The following CCDC85A variants were observed in gnomAD, a reference collection of about 807,000 sequenced individuals.
The protein encoded by CCDC85A is coiled-coil domain-containing protein 85A.
Under a neutral mutation model 50.2 loss-of-function variants are expected in CCDC85A, and 38 were observed. The ratio of observed to expected loss-of-function variants is 0.76; its 90% confidence interval spans 0.58 to 0.99. The LOEUF (loss-of-function observed/expected upper bound fraction) is 0.99, where lower values mean the gene tolerates loss of function less well. Among genes scored for constraint, CCDC85A ranks in the 50% least tolerant of loss-of-function variants. CCDC85A has a pLI of 0.00. For synonymous variants in CCDC85A, 366 were observed against 301.4 expected (o/e 1.21, Z -2.22); for missense variants, 820 against 742.0 (o/e 1.11, Z -1.22).
At chr2:56,292,730 T>C (rs1435463455) in intron 2 of CCDC85A, among the ~76,000 whole-genome samples, 1 of 152,216 alleles carries the variant, frequency 6.6e-6, no homozygotes, top group African/African-American at 2.4e-5. Flanking sequence ...TACATACTTC[T>C]TCTCAGAGGC....
intron 2 of CCDC85A, among the ~76,000 whole-genome samples, chr2:56,336,259 A>G (rs570114408): frequency 4.2e-4 from 64 of 152,070 alleles, no homozygotes; most frequent in African/African-American, 1.4e-3. Context: ...GGTTCAAGCA[A>G]TTCTCCTGCC....
rs374112741 is a variant in CCDC85A, at chr2:56,197,610, G to A, written c.1240+4170G>A. Among the ~76,000 whole-genome samples, 66 of 152,292 alleles carry A rather than the reference G, an allele frequency of 4.3e-4. 2 individuals are homozygous for A. In the South Asian group the frequency reaches 0.013, roughly 30 times the overall value. ...GACCAGTTGGAAACCATTGCCCTCA[G>A]TGAGTCATTTTGCTTAAGATGGGTT... On this transcript the variant is annotated intron_variant, in intron 2 of 5. Coordinates refer to ENST00000407595, the MANE Select transcript of CCDC85A (RefSeq NM_001080433.2).
intron 3 of CCDC85A, among the ~76,000 whole-genome samples, chr2:56,360,239 T>C (rs1675456269): frequency 2.0e-5 from 3 of 152,260 alleles, no homozygotes; most frequent in Admixed American, 2.0e-4. Flanking sequence ...AGCCTCTCTG[T>C]AGCACTTAAT....
At chr2:56,277,247 T>C (rs977026634) in intron 2 of CCDC85A, among the ~76,000 whole-genome samples, 4 of 152,144 alleles carry the variant, frequency 2.6e-5, no homozygotes, top group African/African-American at 9.7e-5. Flanking sequence ...GGAAAGGAGG[T>C]AAAATTTAAG....
At chr2:56,213,193 C>A (rs903528886) in intron 2 of CCDC85A, among the ~76,000 whole-genome samples, 2 of 152,010 alleles carry the variant, frequency 1.3e-5, no homozygotes, top group Non-Finnish European at 1.5e-5. Context: ...TGTGTCAGCT[C>A]TGACAGCTTT....
At chr2:56,188,242 C>T (rs962257218) in intron 1 of CCDC85A, among the ~76,000 whole-genome samples, 2 of 152,192 alleles carry the variant, frequency 1.3e-5, no homozygotes, top group African/African-American at 4.8e-5. Context: ...ATCAAGCTGG[C>T]TGCTTAGCTG....
intron 2 of CCDC85A, among the ~76,000 whole-genome samples, chr2:56,278,561 A>G (rs974421073): frequency 6.6e-6 from 1 of 151,854 alleles, no homozygotes; most frequent in Non-Finnish European, 1.5e-5. Flanking sequence ...AGCCTGGTCT[A>G]TTTTTATTTT....
At chr2:56,284,110 T>A (rs1002590651) in intron 2 of CCDC85A, among the ~76,000 whole-genome samples, 1 of 152,190 alleles carries the variant, frequency 6.6e-6, no homozygotes, top group African/African-American at 2.4e-5. Flanking sequence ...ATTTTTTTCT[T>A]TGATAAATAG....
At chr2:56,259,537 C>T (rs1670133523) in intron 2 of CCDC85A, among the ~76,000 whole-genome samples, 1 of 152,148 alleles carries the variant, frequency 6.6e-6, no homozygotes, top group Non-Finnish European at 1.5e-5. Context: ...TTCTGTACTC[C>T]TGGGTCTGGT....
chr2:56,231,455 G>A (rs774416024), intron 2 of CCDC85A, among the ~76,000 whole-genome samples: 4 of 152,142 alleles, frequency 2.6e-5, no homozygotes, highest in African/African-American at 4.8e-5. Flanking sequence ...AGGTAATTGC[G>A]TTTGGTGGAA....
chr2:56,228,387 T>C (rs1668631712), intron 2 of CCDC85A, among the ~76,000 whole-genome samples: 2 of 152,014 alleles, frequency 1.3e-5, no homozygotes. Context: ...AAGGTTGTTA[T>C]CAGGATTAAA....
intron 2 of CCDC85A, among the ~76,000 whole-genome samples, chr2:56,223,613 C>T (rs754279288): frequency 6.6e-6 from 1 of 152,180 alleles, no homozygotes; most frequent in Non-Finnish European, 1.5e-5. Flanking sequence ...AGAAGACAAA[C>T]ATTTCCTGAC....
At chr2:56,249,903 G>T (rs1410601343) in intron 2 of CCDC85A, among the ~76,000 whole-genome samples, 1 of 152,106 alleles carries the variant, frequency 6.6e-6, no homozygotes, top group Non-Finnish European at 1.5e-5. Flanking sequence ...AATTTAATTT[G>T]CTGTAACATT....
intron 5 of CCDC85A, among the ~76,000 whole-genome samples, chr2:56,382,611 T>A (rs1676643516): frequency 6.6e-6 from 1 of 152,036 alleles, no homozygotes; most frequent in African/African-American, 2.4e-5. Context: ...AGTCACAGTC[T>A]CAAACACACA....
intron 2 of CCDC85A, among the ~76,000 whole-genome samples, chr2:56,332,579 C>T (rs1480154870): frequency 6.6e-6 from 1 of 152,142 alleles, no homozygotes; most frequent in East Asian, 1.9e-4. Flanking sequence ...ACACAACACT[C>T]AGGCCATAGC....
At chr2:56,342,196 C>CT (rs1553414229) in intron 2 of CCDC85A, among the ~76,000 whole-genome samples, 21,828 of 147,912 alleles carry the variant, frequency 0.15, 1,787 homozygotes, top group East Asian at 0.31. Context: ...TTCTCTAATA[C>CT]TTTTTTTTTT....
At chr2:56,349,591 T>G (rs1674801579) in intron 3 of CCDC85A, among the ~76,000 whole-genome samples, 1 of 152,090 alleles carries the variant, frequency 6.6e-6, no homozygotes, top group South Asian at 2.1e-4. Flanking sequence ...TTCCTCATAT[T>G]TGAGGGTTCT....
chr2:56,286,416 A>G (rs568820840), intron 2 of CCDC85A, among the ~76,000 whole-genome samples: 18 of 152,214 alleles, frequency 1.2e-4, no homozygotes, highest in Non-Finnish European at 1.9e-4. Context: ...ATTTTTTTAA[A>G]ATGCTTTCAT....
At chr2:56,254,448 T>C (rs1348274474) in intron 2 of CCDC85A, among the ~76,000 whole-genome samples, 1 of 152,210 alleles carries the variant, frequency 6.6e-6, no homozygotes, top group African/African-American at 2.4e-5. Context: ...GATAATGCCA[T>C]ATTGATTAAT....
Sources: gnomAD v4.1 joint callset for allele counts (sites outside exome capture counted in the v4.1 genomes callset) on GRCh38, gnomAD v4.1.1 for gene constraint, MANE v1.5 for transcripts, NCBI Gene and HGNC (gene_info 2026-07-23, HGNC 2026-07-21) for gene names.